The following DAB2IP variants were observed in gnomAD, a reference collection of about 807,000 sequenced individuals.
The protein encoded by DAB2IP is disabled homolog 2-interacting protein.
DAB2IP carries 28 observed loss-of-function variants against 107.2 expected under a neutral mutation model. The ratio of observed to expected loss-of-function variants is 0.26; its 90% CI spans 0.19 to 0.36. The LOEUF is 0.36. Ranked by LOEUF, DAB2IP falls within the 10% of genes least tolerant of loss-of-function variation. The pLI, the probability that DAB2IP is intolerant of heterozygous loss-of-function variation, is 1.00. For missense variants in DAB2IP, 1,400 were observed against 1,644.7 expected (o/e 0.85, Z 2.57); for synonymous variants, 755 against 706.4 (o/e 1.07, Z -1.09).
chr9:121,666,899 CACACACACACACACACAA>C (rs1185766237), intron 1 of DAB2IP, among the ~76,000 whole-genome samples: 6 of 137,516 alleles, frequency 4.4e-5, no homozygotes, highest in Non-Finnish European at 6.6e-5. Context: ...CACACACACA[CACACACACACACACACAA>C]CACTCTTAAA....
Position 121,651,633 on chromosome 9 carries a change from C to T in DAB2IP, c.-143C>T. On this transcript the variant is annotated 5_prime_UTR_variant, in exon 1 of 16. Coordinates refer to ENST00000408936, the Ensembl canonical transcript of DAB2IP. The surrounding 1 kb of genome is among the most constrained non-coding windows in gnomAD (Gnocchi z 5.1). ...GCAGGAGGCGGAGGAGGAGTTTGAG[C>T]GACTTTGTGGGGCAGCCAGGGCCTC... The T allele has an allele frequency of 9.4e-7, 1 of 1,059,270 alleles. No individual in the cohort carries two copies. Among genetic ancestry groups the T allele is most frequent in the African/African-American group, 1.7e-5 (1 of 59,134 alleles). The allele number at this position is 1,059,270 out of a possible 1,614,324, so 65.6% of individuals were successfully genotyped here.
chr9:121,676,111 T>C (rs1833893040), intron 1 of DAB2IP, among the ~76,000 whole-genome samples: 2 of 152,152 alleles, frequency 1.3e-5, no homozygotes, highest in Admixed American at 6.5e-5. Flanking sequence ...CTGGACCTGG[T>C]GTCAATGCCT....
At chr9:121,643,596 T>A (rs1168344420) in intron 1 of DAB2IP, among the ~76,000 whole-genome samples, 1 of 152,058 alleles carries the variant, frequency 6.6e-6, no homozygotes, top group Non-Finnish European at 1.5e-5. Context: ...TTTCTCATGC[T>A]GTCTCTCCCT....
intron 3 of DAB2IP, among the ~76,000 whole-genome samples, chr9:121,742,473 A>G (rs1251719245): frequency 6.6e-6 from 1 of 152,100 alleles, no homozygotes; most frequent in Non-Finnish European, 1.5e-5. Context: ...GGGCCCAGCC[A>G]CTCCAGGTGC....
At chr9:121,785,431 A>C (rs1835940605) in exon 16 of DAB2IP, 1 of 152,700 alleles carries the variant, frequency 6.5e-6, no homozygotes, top group East Asian at 1.9e-4. Flanking sequence ...CTATGTAATA[A>C]TGTACAGAGG....
chr9:121,782,229 C>A lies in DAB2IP; in HGVS notation c.3403-102C>A. 6.6e-7 allele frequency: 1 copy of A among 1,515,582 alleles called. No individual in the cohort carries two copies. The highest frequency in any genetic ancestry group is 2.3e-5 in the East Asian group (1 of 43,242). 93.9% of individuals were successfully genotyped at this position (1,515,582 alleles called of 1,614,324 possible). On this transcript the variant is annotated intron_variant, in intron 15 of 15. Transcript: ENST00000408936. The surrounding 1 kb of genome is among the most constrained non-coding windows in gnomAD (Gnocchi z 6.1). ...CTCACAGCCCGGAGCCTGCCTGCCA[C>A]CCTCATCTCCAGGCCACCCCCTTCC...
rs943854626 is a variant in DAB2IP, at chr9:121,699,089, G to C, written c.229-236G>C. 4.1e-5 allele frequency among the ~76,000 whole-genome samples: 6 copies of C among 147,766 alleles called. No individual in the cohort carries two copies. The highest frequency in any genetic ancestry group is 1.5e-4 in the African/African-American group (6 of 41,032). ...CGTCGCCAAGGCAACAGCGGCTTAG[G>C]GGGCGGGGGCGACGTGGCGGGCGGG... On this transcript the variant is annotated intron_variant, in intron 2 of 15. Transcript: ENST00000408936. This position sits in a 1 kb window ranked among gnomAD's most constrained non-coding sequence, Gnocchi z 6.2.
At chr9:121,570,505 A>C (rs1316704163) in intron 1 of DAB2IP, among the ~76,000 whole-genome samples, 1 of 151,982 alleles carries the variant, frequency 6.6e-6, no homozygotes, top group Admixed American at 6.6e-5. Context: ...TGGGAGTTCA[A>C]CATATGACTT....
At chr9:121,732,538 A>G (rs1256024632) in intron 3 of DAB2IP, among the ~76,000 whole-genome samples, 5 of 152,062 alleles carry the variant, frequency 3.3e-5, no homozygotes, top group Non-Finnish European at 7.4e-5. Context: ...AGCTGGGGGA[A>G]CTGAATAGGT....
At chr9:121,629,954 G>A (rs1831813515) in intron 1 of DAB2IP, among the ~76,000 whole-genome samples, 1 of 152,026 alleles carries the variant, frequency 6.6e-6, no homozygotes, top group African/African-American at 2.4e-5. Context: ...CCAAGAACTG[G>A]AATAGGAAAA....
rs1588025755 is a variant in DAB2IP at position 121,782,077 on chromosome 9, G to T, written c.3403-254G>T. Among the ~76,000 whole-genome samples, 1 of 152,178 alleles carries T rather than the reference G, an allele frequency of 6.6e-6. No individual in the cohort carries two copies. The highest frequency in any genetic ancestry group is 2.1e-4 in the South Asian group (1 of 4,822). On this transcript the variant is annotated intron_variant, in intron 15 of 15. Coordinates refer to ENST00000408936, the Ensembl canonical transcript of DAB2IP. The surrounding 1 kb of genome is among the most constrained non-coding windows in gnomAD (Gnocchi z 6.1). ...CATGCACACACATGTGAGCAAGGGT[G>T]CCTGCCCTAGGGGCCGCAGGCAGCC...
intron 2 of DAB2IP, among the ~76,000 whole-genome samples, chr9:121,687,495 T>C (rs16910935): frequency 0.32 from 48,610 of 152,076 alleles, 8,332 homozygotes; most frequent in Non-Finnish European, 0.39. Context: ...CTGTTCCACC[T>C]ACCACTGCTT....
At chr9:121,681,682 C>T (rs1038636151) in intron 2 of DAB2IP, among the ~76,000 whole-genome samples, 1 of 152,178 alleles carries the variant, frequency 6.6e-6, no homozygotes, top group Admixed American at 6.5e-5. Context: ...CGGACATCTA[C>T]GTTTTGTGTC....
chr9:121,680,511 C>T (rs1348877985), intron 2 of DAB2IP, among the ~76,000 whole-genome samples: 1 of 152,112 alleles, frequency 6.6e-6, no homozygotes, highest in Non-Finnish European at 1.5e-5. Flanking sequence ...CTCCAGCCTG[C>T]AGGGAGCGCT....
intron 3 of DAB2IP, among the ~76,000 whole-genome samples, chr9:121,734,369 G>A (rs1033621657): frequency 2.2e-5 from 3 of 139,086 alleles, no homozygotes; most frequent in South Asian, 4.2e-4. Context: ...GGGCAACAGA[G>A]CGAGACTCCG....
intron 6 of DAB2IP, among the ~76,000 whole-genome samples, chr9:121,762,149 C>T (rs1435900747): frequency 1.3e-5 from 2 of 152,320 alleles, no homozygotes; most frequent in South Asian, 2.1e-4. Context: ...TCCGTCTCCA[C>T]GGCTAGAGGA....
At chr9:121,690,183 G>T (rs917621209) in intron 2 of DAB2IP, among the ~76,000 whole-genome samples, 1 of 152,160 alleles carries the variant, frequency 6.6e-6, no homozygotes, top group South Asian at 2.1e-4. Context: ...AGCAGAGCTG[G>T]GTTTTGACCC....
intron 3 of DAB2IP, among the ~76,000 whole-genome samples, chr9:121,747,362 C>CTTTTTTT (rs1564196322): frequency 0.013 from 1,661 of 129,924 alleles, 48 homozygotes; most frequent in African/African-American, 0.05. Context: ...TTTTTTTTTC[C>CTTTTTTT]CCTGAGACAG....
chr9:121,644,747 T>C (rs1286229640), intron 1 of DAB2IP, among the ~76,000 whole-genome samples: 3 of 152,242 alleles, frequency 2.0e-5, no homozygotes, highest in African/African-American at 7.2e-5. Context: ...AAAATATTCA[T>C]ATACCCCTTT....
Sources: allele counts gnomAD v4.1 joint callset (sites outside exome capture counted in the v4.1 genomes callset), GRCh38; gene constraint gnomAD v4.1.1; non-coding constraint Gnocchi (gnomAD v3.1); transcripts MANE v1.5; gene names NCBI Gene and HGNC (gene_info 2026-07-23, HGNC 2026-07-21).